MACROH2A1: variants seen among roughly 807,000 people sequenced by gnomAD.
MACROH2A1 encodes the protein macroH2A.1 histone.
In MACROH2A1, 2 loss-of-function variants were observed where a neutral mutation model predicts 31.6. The ratio of observed to expected loss-of-function variants is 0.06; its 90% CI spans 0.03 to 0.20. MACROH2A1 has a LOEUF of 0.20. Ranked by LOEUF, MACROH2A1 falls within the 10% of genes least tolerant of loss-of-function variation. MACROH2A1 has a pLI of 1.00. For missense variants in MACROH2A1, 230 were observed against 474.0 expected (o/e 0.49, Z 4.78); for synonymous variants, 169 against 189.6 (o/e 0.89, Z 0.89).
At chr5:135,337,551 T>C (rs946317357) in intron 8 of MACROH2A1, among the ~76,000 whole-genome samples, 1 of 152,262 alleles carries the variant, frequency 6.6e-6, no homozygotes, top group African/African-American at 2.4e-5. Context: ...TATTCTTTTC[T>C]ATTCCTCTAC....
intron 7 of MACROH2A1, chr5:135,345,175 G>C (rs1439222073): frequency 6.6e-6 from 1 of 152,266 alleles, no homozygotes; most frequent in African/African-American, 2.4e-5. Flanking sequence ...ACTGGATCCT[G>C]AGACTAGCCT....
At chr5:135,378,659 G>T (rs554768911) in intron 2 of MACROH2A1, among the ~76,000 whole-genome samples, 8 of 152,258 alleles carry the variant, frequency 5.3e-5, no homozygotes, top group African/African-American at 1.9e-4. Context: ...TCTGTGCTGT[G>T]TGATTTTGGA....
chr5:135,343,362 T>A lies in MACROH2A1; in HGVS notation c.851A>T (p.Asp284Val), dbSNP rs1760248653. The change falls in exon 8 of 9, where the codon GAC becomes GTC. Residue 284 changes from aspartate (D) to valine (V), a missense_variant. Around this residue, in one of 2 missense-constraint regions of MACROH2A1, gnomAD observed 183 missense variants for 319.3 expected, o/e 0.57. Coordinates refer to ENST00000511689, the MANE Select transcript of MACROH2A1 (RefSeq NM_138610.3). ...CTTTTCCAGAAGTTCTTCACACTTG[T>A]CTGCACCCCAAACTGGACTATTACA... ...IHCNSPVWGA[D>V]KCEELLEKTV... 2 of 1,614,120 alleles carry A rather than the reference T, an allele frequency of 1.2e-6. No individual in the cohort carries two copies.
intron 2 of MACROH2A1, among the ~76,000 whole-genome samples, chr5:135,381,133 G>A (rs1466249859): frequency 1.3e-5 from 2 of 152,190 alleles, no homozygotes; most frequent in Non-Finnish European, 2.9e-5. Flanking sequence ...GGAAAAAGAT[G>A]AAATATTCAA....
intron 2 of MACROH2A1, among the ~76,000 whole-genome samples, chr5:135,377,861 A>G (rs1241723991): frequency 2.0e-5 from 3 of 152,132 alleles, no homozygotes; most frequent in Non-Finnish European, 4.4e-5. Flanking sequence ...CTTCTCCCAA[A>G]AAATGGTTCT....
chr5:135,360,665 G>A, intron 4 of MACROH2A1, 58 bp from the exon 5 acceptor site: 3 of 1,209,258 alleles, frequency 2.5e-6, no homozygotes, highest in East Asian at 2.3e-5. Context: ...TCCTAATAGA[G>A]AGGCAGCTCC....
Position 135,369,935 on chromosome 5 carries a change from A to G in MACROH2A1, c.279+101T>C, listed in dbSNP as rs922150710. The G allele has an allele frequency of 1.3e-6, 1 of 768,884 alleles. No homozygotes were observed. The highest frequency in any genetic ancestry group is 2.7e-5 in the East Asian group (1 of 37,480). The allele number at this position is 768,884 out of a possible 1,614,324, so 47.6% of individuals were successfully genotyped here. ...TGCTAATTAATCCAAAAGGCAGTCC[A>G]CACCTTTCATAACCAGCCAACACCA... On this transcript the variant is annotated intron_variant, in intron 3 of 8. Coordinates refer to ENST00000511689, the MANE Select transcript of MACROH2A1 (RefSeq NM_138610.3). The surrounding 1 kb of genome is among the most constrained non-coding windows in gnomAD (Gnocchi z 4.3).
At chr5:135,380,722 A>G (rs1765549849) in intron 2 of MACROH2A1, among the ~76,000 whole-genome samples, 1 of 152,334 alleles carries the variant, frequency 6.6e-6, no homozygotes, top group Middle Eastern at 3.4e-3. Flanking sequence ...CAGCCTCTGC[A>G]TACTACATGT....
At chr5:135,351,161 CAT>C (rs569541406) in intron 6 of MACROH2A1, 37 of 376,036 alleles carry the variant, frequency 9.8e-5, no homozygotes, top group South Asian at 4.1e-4. Context: ...GAAACACACA[CAT>C]GAGATCATTT....
chr5:135,345,874 C>T (rs1248977159), intron 7 of MACROH2A1, 94 bp downstream of exon 7: 8 of 824,226 alleles, frequency 9.7e-6, no homozygotes, highest in Admixed American at 1.7e-5. Context: ...GCTGTGCTGC[C>T]ACACACCTCT....
At chr5:135,379,773 C>T (rs1309541231) in intron 2 of MACROH2A1, among the ~76,000 whole-genome samples, 7 of 152,160 alleles carry the variant, frequency 4.6e-5, no homozygotes, top group African/African-American at 1.4e-4. Context: ...TTTAGAAGCC[C>T]GTCCTGATGG....
intron 8 of MACROH2A1, among the ~76,000 whole-genome samples, chr5:135,338,277 G>A (rs1031453359): frequency 3.3e-5 from 5 of 152,176 alleles, no homozygotes; most frequent in East Asian, 1.9e-4. Flanking sequence ...AGGATTTCCC[G>A]GAGTCACACA....
rs150788060 is a variant in MACROH2A1 at position 135,358,762 on chromosome 5, C to G, written c.588+1735G>C. 4.1e-6 allele frequency: 4 copies of G among 971,430 alleles called. No homozygotes were observed. In the African/African-American group the frequency reaches 7.0e-5, roughly 17 times the overall value. The allele number at this position is 971,430 out of a possible 1,614,324, so 60.2% of individuals were successfully genotyped here. ...TTTCTATGGCTTTTTGTATCCTCAC[C>G]CTACCAACTCTGAGTAGGGAACAGT... On this transcript the variant is annotated intron_variant, in intron 5 of 8. Coordinates refer to ENST00000511689, the MANE Select transcript of MACROH2A1 (RefSeq NM_138610.3).
chr5:135,345,006 G>A (rs975445689), intron 7 of MACROH2A1: 1 of 152,258 alleles, frequency 6.6e-6, no homozygotes, highest in Non-Finnish European at 1.5e-5. Flanking sequence ...CCCTGGCTAG[G>A]TAGTTAAAAC....
At chr5:135,376,417 A>G (rs184247390) in intron 2 of MACROH2A1, among the ~76,000 whole-genome samples, 1 of 152,352 alleles carries the variant, frequency 6.6e-6, no homozygotes, top group African/African-American at 2.4e-5. Flanking sequence ...ATAAGTTTAC[A>G]TTATACATAA....
intron 5 of MACROH2A1, chr5:135,356,048 A>G (rs542997144): frequency 5.9e-5 from 9 of 152,324 alleles, no homozygotes; most frequent in African/African-American, 2.2e-4. Context: ...TGGTTTCAGA[A>G]TTTGAATAAG....
intron 7 of MACROH2A1, chr5:135,344,407 G>A (rs1561578560): frequency 1.3e-5 from 2 of 152,100 alleles, no homozygotes; most frequent in Admixed American, 6.5e-5. Context: ...TGTCCAAGGG[G>A]TATGGTTTGT....
At chr5:135,343,483 A>C (rs753706774) in intron 7 of MACROH2A1, 49 bp from the exon 8 acceptor site, 1 of 1,605,388 alleles carries the variant, frequency 6.2e-7, no homozygotes, top group South Asian at 1.1e-5. Context: ...GTTCACTGCA[A>C]AGCACAAGAT....
chr5:135,368,991 C>A (rs1397788050), intron 4 of MACROH2A1, among the ~76,000 whole-genome samples: 1 of 152,226 alleles, frequency 6.6e-6, no homozygotes, highest in East Asian at 1.9e-4. Flanking sequence ...GCAGCCATGG[C>A]AACATGAGAG....
Sources: allele counts gnomAD v4.1 joint callset (sites outside exome capture counted in the v4.1 genomes callset), GRCh38; gene constraint gnomAD v4.1.1; regional missense constraint gnomAD v4.1.1; non-coding constraint Gnocchi (gnomAD v3.1); transcripts MANE v1.5; gene names NCBI Gene and HGNC (gene_info 2026-07-23, HGNC 2026-07-21).